DNAI2: variants seen among roughly 807,000 people sequenced by gnomAD.
DNAI2 encodes the protein dynein axonemal intermediate chain 2, also known as dynein, axonemal, intermediate polypeptide 2.
A neutral mutation model predicts 74.7 loss-of-function variants in DNAI2; 63 were observed. The ratio of observed to expected loss-of-function variants is 0.84; its 90% CI spans 0.69 to 1.04. The LOEUF is 1.04. Ranked by LOEUF, DNAI2 falls within the 50% of genes least tolerant of loss-of-function variation. The pLI is 0.00. For synonymous variants in DNAI2, 289 were observed against 314.9 expected (o/e 0.92, Z 0.87); for missense variants, 688 against 803.2 (o/e 0.86, Z 1.73).
intron 6 of DNAI2, among the ~76,000 whole-genome samples, chr17:74,296,383 GA>G: frequency 1.5e-5 from 1 of 67,800 alleles, no homozygotes. Flanking sequence ...GAGGGAGGGA[GA>G]GAGAGAGAGA....
Position 74,309,349 on chromosome 17 carries a change from C to G in DNAI2, c.1308C>G (p.Asp436Glu), listed in dbSNP as rs1375504478. 6.2e-7 allele frequency: 1 copy of G among 1,614,084 alleles called. No individual in the cohort carries two copies. The highest frequency in any genetic ancestry group is 8.5e-7 in the Non-Finnish European group (1 of 1,180,052). ...TGGACGGAACCCTGGATATCTGGGA[C>G]TTCATGTTCGAGCAGTGCGATCCCA... ...TRMDGTLDIW[D>E]FMFEQCDPTL... is the part of the protein sequence containing the mutation. Residue 436 changes from aspartate to glutamate, a missense_variant, in exon 10 of 14, where the codon GAC (aspartate) becomes GAG (glutamate). Coordinates refer to ENST00000311014, the MANE Select transcript of DNAI2 (RefSeq NM_023036.6).
rs543965164 is a variant in DNAI2, at chr17:74,312,175, T to C, written c.1667T>C (p.Ile556Thr). 1 of 1,605,436 alleles carries C rather than the reference T, an allele frequency of 6.2e-7. No individual in the cohort carries two copies. Among genetic ancestry groups the C allele is most frequent in the African/African-American group, 1.3e-5 (1 of 74,592 alleles). ...SKAEEEFFDIIFAELKKKEAD... is the reference protein window; with the variant it reads ...SKAEEEFFDITFAELKKKEAD... ...GCCGAGGAGGAGTTCTTCGACATCA[T>C]CTTCGCAGAGCTGAAGAAGAAGGAG... The change falls in exon 12 of 14, where the codon ATC (isoleucine) becomes ACC (threonine). Residue 556 changes from isoleucine (I) to threonine (T), a missense_variant. Transcript: ENST00000311014.
intron 5 of DNAI2, 138 bp from the exon 6 acceptor site, chr17:74,290,881 TG>T: frequency 1.2e-6 from 1 of 801,246 alleles, no homozygotes. Context: ...GGGTGCAGGC[TG>T]GGGAAAGACT....
chr17:74,301,788 C>T (rs764396055), intron 8 of DNAI2, among the ~76,000 whole-genome samples: 1 of 141,518 alleles, frequency 7.1e-6, no homozygotes, highest in Middle Eastern at 4.0e-3. Context: ...CCCCACCGCC[C>T]GCCCAGTCTT....
intron 2 of DNAI2, 101 bp downstream of exon 2, chr17:74,282,101 G>C (rs764283914): frequency 1.2e-5 from 16 of 1,381,312 alleles, no homozygotes; most frequent in Non-Finnish European, 1.6e-5. Flanking sequence ...CCACCTGAAA[G>C]CCAGTTAGAG....
At chr17:74,307,161 G>A (rs926420816) in intron 9 of DNAI2, 2 of 447,120 alleles carry the variant, frequency 4.5e-6, no homozygotes, top group Admixed American at 4.9e-5. Flanking sequence ...CCCAGTAGAT[G>A]TGAAGCCCTT....
At chr17:74,289,758 G>T in intron 5 of DNAI2, 22 bp downstream of exon 5, 2 of 1,613,652 alleles carry the variant, frequency 1.2e-6, no homozygotes, top group Non-Finnish European at 1.7e-6. Flanking sequence ...CGGGGTCCTG[G>T]TGGCCTGGGA....
intron 1 of DNAI2, among the ~76,000 whole-genome samples, chr17:74,277,525 AG>A (rs1466942023): frequency 1.3e-5 from 2 of 152,172 alleles, no homozygotes; most frequent in Non-Finnish European, 2.9e-5. Context: ...ATGGATGCAA[AG>A]GGTTAACCTT....
At chr17:74,280,833 T>A (rs1030705813) in intron 1 of DNAI2, among the ~76,000 whole-genome samples, 12 of 152,042 alleles carry the variant, frequency 7.9e-5, no homozygotes, top group Non-Finnish European at 1.6e-4. Context: ...ATACCTGTAA[T>A]CCCAGCACTT....
intron 7 of DNAI2, 38 bp downstream of exon 7, chr17:74,299,895 GA>G: frequency 6.2e-7 from 1 of 1,612,132 alleles, no homozygotes; most frequent in Non-Finnish European, 8.5e-7. Context: ...GGAGGGAAGG[GA>G]GGGGCAGTAA....
At position 74,280,669 on chromosome 17, in the gene DNAI2, G is replaced by C. The variant is rs78598790; in HGVS notation, c.-11-1138G>C. On this transcript the variant is annotated intron_variant, in intron 1 of 13. Coordinates refer to ENST00000311014, the MANE Select transcript of DNAI2 (RefSeq NM_023036.6). ...ATTGGGTTGGAGAGGAGGGGTTCAAGAAGAGGCCCAGGGGTCTCAAATCTG... is the reference window on the plus strand; with the variant it reads ...ATTGGGTTGGAGAGGAGGGGTTCAACAAGAGGCCCAGGGGTCTCAAATCTG... 3.5e-3 allele frequency among the ~76,000 whole-genome samples: 537 copies of C among 152,314 alleles called. 5 individuals are homozygous for C. The highest frequency in any genetic ancestry group is 0.012 in the African/African-American group (486 of 41,574).
At chr17:74,301,236 T>C in intron 8 of DNAI2, 68 bp downstream of exon 8, 2 of 1,603,600 alleles carry the variant, frequency 1.2e-6, no homozygotes, top group Admixed American at 1.7e-5. Flanking sequence ...AGACAGGCCA[T>C]TGCTAGGATA....
intron 5 of DNAI2, 63 bp downstream of exon 5, chr17:74,289,799 G>A (rs2051975335): frequency 6.2e-7 from 1 of 1,606,182 alleles, no homozygotes; most frequent in East Asian, 2.2e-5. Context: ...CACAAGTGGA[G>A]GAGCGGGAGG....
chr17:74,298,329 C>T (rs570973974), intron 6 of DNAI2, among the ~76,000 whole-genome samples: 1 of 152,124 alleles, frequency 6.6e-6, no homozygotes, highest in African/African-American at 2.4e-5. Flanking sequence ...GTTTTTGAGA[C>T]AGCCTTGCTT....
intron 2 of DNAI2, among the ~76,000 whole-genome samples, chr17:74,284,482 G>A (rs1304173657): frequency 6.6e-6 from 1 of 151,768 alleles, no homozygotes. Flanking sequence ...CTGTGATCTC[G>A]GCTCACTGCA....
chr17:74,287,147 G>T, intron 4 of DNAI2, 49 bp downstream of exon 4: 5 of 1,607,558 alleles, frequency 3.1e-6, no homozygotes, highest in Non-Finnish European at 4.2e-6. Flanking sequence ...TCACCCCCAT[G>T]CATGGGCGCC....
At chr17:74,276,319 C>T (rs532647326) in intron 1 of DNAI2, among the ~76,000 whole-genome samples, 7 of 152,208 alleles carry the variant, frequency 4.6e-5, no homozygotes, top group Non-Finnish European at 1.0e-4. Context: ...CTGCGTGTTC[C>T]TGTGTTTGAG....
At chr17:74,314,033 T>TTGGTCCTCG (rs1219338247) in intron 12 of DNAI2, 88 bp from the exon 13 acceptor site, 2 of 1,602,168 alleles carry the variant, frequency 1.2e-6, no homozygotes, top group African/African-American at 2.7e-5. Flanking sequence ...TTTGGCTGCT[T>TTGGTCCTCG]TGGTCCTCGT....
At chr17:74,274,522 C>T (rs2050945276) in intron 1 of DNAI2, among the ~76,000 whole-genome samples, 177 bp downstream of exon 1, 1 of 152,110 alleles carries the variant, frequency 6.6e-6, no homozygotes, top group African/African-American at 2.4e-5. Flanking sequence ...GTGCCCTCTT[C>T]CCCTTAGTCC....
Sources: gnomAD v4.1 joint callset for allele counts (sites outside exome capture counted in the v4.1 genomes callset) on GRCh38, gnomAD v4.1.1 for gene constraint, MANE v1.5 for transcripts, NCBI Gene and HGNC (gene_info 2026-07-23, HGNC 2026-07-21) for gene names.